Variants in ANKRD34B observed in about 807,000 individuals in gnomAD.
ANKRD34B encodes ankyrin repeat domain-containing protein 34B.
Under a neutral mutation model 4.4 loss-of-function variants are expected in ANKRD34B, and 2 were observed. That is an observed-to-expected ratio of 0.46 (90% CI 0.19 to 1.44). ANKRD34B has a LOEUF of 1.44. Ranked by LOEUF, ANKRD34B falls within the 40% of genes most tolerant of loss-of-function variation. The probability of loss-of-function intolerance (pLI) is 0.26; values close to 1 mark genes in which losing one functional copy is unlikely to be tolerated. For synonymous variants in ANKRD34B, 226 were observed against 227.1 expected, an observed-to-expected ratio of 0.99 and a Z score of 0.05; for missense variants, 558 against 604.7, an observed-to-expected ratio of 0.92 and a Z score of 0.81.
chr5:80,565,656 T>G (rs76739159), intron 3 of ANKRD34B, among the ~76,000 whole-genome samples: 1,897 of 152,370 alleles, frequency 0.012, 31 homozygotes, highest in African/African-American at 0.043. Context: ...ACTCACTGCA[T>G]TCTTCTTTTT....
Position 80,557,605 on chromosome 5 carries a change from G to A in ANKRD34B, c.*870C>T, listed in dbSNP as rs1296587042. The A allele has an allele frequency of 6.6e-6, 1 of 151,578 alleles. No homozygotes were observed. The highest frequency in any genetic ancestry group is 1.9e-4 in the East Asian group (1 of 5,186). 9.4% of individuals were successfully genotyped at this position (151,578 alleles called of 1,614,324 possible). On this transcript the variant is annotated 3_prime_UTR_variant, in exon 5 of 5. Coordinates refer to ENST00000338682, the MANE Select transcript of ANKRD34B (RefSeq NM_001004441.3). ...TAATTTGATATAAGTAAAGAGGAAT[G>A]CTTTTTAACTTTTATATCATCTTGT...
At chr5:80,560,333 A>G (rs1204632525) in intron 4 of ANKRD34B, among the ~76,000 whole-genome samples, 1 of 152,196 alleles carries the variant, frequency 6.6e-6, no homozygotes, top group Non-Finnish European at 1.5e-5. Flanking sequence ...TTTACCTGTG[A>G]AAAATAATTT....
chr5:80,568,925 C>CACACACACACACCCACACAGAGAGAG, intron 2 of ANKRD34B, 35 bp downstream of exon 2: 1 of 49,900 alleles, frequency 2.0e-5, no homozygotes, highest in South Asian at 8.4e-4. Flanking sequence ...CACACACACA[C>CACACACACACACCCACACAGAGAGAG]AGAGAGAGAG....
chr5:80,569,872 G>C (rs1746704386), intron 1 of ANKRD34B, among the ~76,000 whole-genome samples: 1 of 152,222 alleles, frequency 6.6e-6, no homozygotes, highest in African/African-American at 2.4e-5. Context: ...GTGAGCTCGC[G>C]TGGAGCGCGC....
chr5:80,559,339 A>T lies in ANKRD34B; in HGVS notation c.681T>A (p.Gly227=). ...AGSNDDTWDP[G]SPVRKPALAP... ...CCAATGCAGGTTTCCTCACAGGGGA[A>T]CCTGGGTCCCAGGTATCATCATTGC... Residue 227 remains glycine (G), a synonymous_variant, in exon 5 of 5, where the codon GGT becomes GGA. Coordinates refer to ENST00000338682, the MANE Select transcript of ANKRD34B (RefSeq NM_001004441.3). 1 of 1,614,172 alleles carries T rather than the reference A, an allele frequency of 6.2e-7. No homozygotes were observed. Among genetic ancestry groups the T allele is most frequent in the Non-Finnish European group, 8.5e-7 (1 of 1,180,024 alleles).
rs201133010 is a variant in ANKRD34B, at chr5:80,559,950, G to T, written c.70C>A (p.Arg24Ser). The change falls in exon 5 of 5, where the codon CGC becomes AGC. Residue 24 changes from arginine to serine, a missense_variant. Coordinates refer to ENST00000338682, the MANE Select transcript of ANKRD34B (RefSeq NM_001004441.3). ...LIKAVHQSRLRLTRLLLEGGA... is the reference protein window; with the variant it reads ...LIKAVHQSRLSLTRLLLEGGA... ...CCTTCTAGCAAAAGTCTTGTGAGGC[G>T]AAGCCGGCTCTGATGGACTGCTTTG... 6.2e-7 allele frequency: 1 copy of T among 1,613,848 alleles called. No individual in the cohort carries two copies. The highest frequency in any genetic ancestry group is 1.1e-5 in the South Asian group (1 of 91,004).
intron 2 of ANKRD34B, 43 bp downstream of exon 2, chr5:80,568,917 C>G (rs1384642503): frequency 9.0e-5 from 9 of 100,178 alleles, no homozygotes; most frequent in East Asian, 3.5e-4. Flanking sequence ...CACACACACA[C>G]ACACACACAG....
At position 80,558,444 on chromosome 5, in the gene ANKRD34B, A is replaced by G. The variant is rs1282385158; in HGVS notation, c.*31T>C. 5.5e-6 allele frequency: 8 copies of G among 1,459,200 alleles called. No individual in the cohort carries two copies. The African/African-American group carries it at 1.1e-4, about 21-fold the overall frequency. The allele number at this position is 1,459,200 out of a possible 1,614,324, so 90.4% of individuals were successfully genotyped here. On this transcript the variant is annotated 3_prime_UTR_variant, in exon 5 of 5. Coordinates refer to ENST00000338682, the MANE Select transcript of ANKRD34B (RefSeq NM_001004441.3). ...AGTTCTTTGTTTCTCTGATATAAAC[A>G]TTTGAAGAAGATGTGTTTTATACCC...
chr5:80,569,685 C>G (rs938026566), intron 1 of ANKRD34B, among the ~76,000 whole-genome samples: 1 of 152,110 alleles, frequency 6.6e-6, no homozygotes. Flanking sequence ...CCGACCTTCG[C>G]CCATCAGGCC....
chr5:80,570,116 C>T (rs553783132), intron 1 of ANKRD34B, 38 bp downstream of exon 1: 1 of 152,594 alleles, frequency 6.6e-6, no homozygotes, highest in South Asian at 2.1e-4. Flanking sequence ...GCCAAAGTTT[C>T]CCAAGTGCAG....
At position 80,559,737 on chromosome 5, in the gene ANKRD34B, T is replaced by C; in HGVS notation, c.283A>G (p.Lys95Glu). The stretch of plus-strand genomic sequence containing the variant: ...AAGGAAACAACTTCAGGGCCAGCTT[T>C]TTCTAAGCAAGCATGCATCAGAGCC... ...KTALMHACLE[K>E]AGPEVVSLLL... Residue 95 changes from lysine (K) to glutamate (E), a missense_variant, in exon 5 of 5, where the codon AAA becomes GAA. Coordinates refer to ENST00000338682, the MANE Select transcript of ANKRD34B (RefSeq NM_001004441.3). 1.9e-6 allele frequency: 3 copies of C among 1,614,236 alleles called. No homozygotes were observed. The highest frequency in any genetic ancestry group is 2.5e-6 in the Non-Finnish European group (3 of 1,180,048).
At chr5:80,569,141 C>CAAAG (rs1746676988) in intron 1 of ANKRD34B, 34 bp from the exon 2 acceptor site, 1 of 152,400 alleles carries the variant, frequency 6.6e-6, no homozygotes, top group Non-Finnish European at 1.5e-5. Context: ...GTGACTGGGG[C>CAAAG]GACAGCTCCA....
intron 3 of ANKRD34B, among the ~76,000 whole-genome samples, chr5:80,564,094 T>G (rs756078246): frequency 6.6e-6 from 1 of 152,216 alleles, no homozygotes; most frequent in Non-Finnish European, 1.5e-5. Flanking sequence ...GAGTTTCTAG[T>G]GTTTAGGTCA....
chr5:80,559,866 T>C lies in ANKRD34B; in HGVS notation c.154A>G (p.Lys52Glu). ...CTCTGGTGATCGACATGTTTGGTCT[T>C]ACAAGCGATCATTAAAGGGGTTTCC... is the stretch of plus-strand genomic sequence containing the variant. Reference protein sequence around the residue: ...RGETPLMIACKTKHVDHQSVS... With the variant: ...RGETPLMIACETKHVDHQSVS... Residue 52 changes from lysine to glutamate, a missense_variant, in exon 5 of 5, where the codon AAG becomes GAG. By Grantham distance (56) the Lys-to-Glu change is moderately conservative. Transcript: ENST00000338682. The C allele has an allele frequency of 1.2e-6, 2 of 1,614,266 alleles. No individual in the cohort carries two copies. Among genetic ancestry groups the C allele is most frequent in the Non-Finnish European group, 1.7e-6 (2 of 1,180,048 alleles).
intron 3 of ANKRD34B, among the ~76,000 whole-genome samples, chr5:80,566,061 G>A (rs1746556249): frequency 6.6e-6 from 1 of 152,148 alleles, no homozygotes; most frequent in South Asian, 2.1e-4. Context: ...AATAAGCACT[G>A]AGTTATTTTT....
chr5:80,568,470 G>C (rs1268453980), intron 2 of ANKRD34B, among the ~76,000 whole-genome samples: 2 of 152,154 alleles, frequency 1.3e-5, no homozygotes, highest in Non-Finnish European at 2.9e-5. Flanking sequence ...TAGTAGAATG[G>C]GCCAGGAGCT....
At position 80,558,283 on chromosome 5, in the gene ANKRD34B, C is replaced by A; in HGVS notation, c.*192G>T. ...CGCTTTCCTTTTGTTTGAGAGAATT[C>A]CCTTAACAGAAACTATGTATTATTT... On this transcript the variant is annotated 3_prime_UTR_variant, in exon 5 of 5. Coordinates refer to ENST00000338682, the MANE Select transcript of ANKRD34B (RefSeq NM_001004441.3). 1 of 452,892 alleles carries A rather than the reference C, an allele frequency of 2.2e-6. No homozygotes were observed. Among genetic ancestry groups the A allele is most frequent in the Non-Finnish European group, 3.8e-6 (1 of 263,086 alleles). The allele number at this position is 452,892 out of a possible 1,614,324, so 28.1% of individuals were successfully genotyped here. A position where few individuals can be genotyped will look rare whatever the true frequency, so the allele number is the denominator to read the frequency against.
In ANKRD34B at chr5:80,558,501, G is replaced by A. The variant is rs1746312385; in HGVS notation, c.1519C>T (p.Gln507Ter). The change falls in exon 5 of 5, where the codon CAA (glutamine) becomes TAA (stop). Residue 507 changes from glutamine (Q) to a stop codon, truncating the protein, a stop_gained. Coordinates refer to ENST00000338682, the MANE Select transcript of ANKRD34B (RefSeq NM_001004441.3). LOFTEE classifies it high-confidence loss of function. ...LLRRQSLQTE[Q>*]IKQLVNF ...TAGAAGTTTACTAATTGCTTAATTT[G>A]TTCAGTTTGCAATGATTGTCTCCTT... The A allele has an allele frequency of 2.5e-6, 4 of 1,611,986 alleles. No individual in the cohort carries two copies. The African/African-American group carries it at 5.3e-5, about 22-fold the overall frequency.
In ANKRD34B at chr5:80,558,381, CGA is replaced by C; in HGVS notation, c.*92_*93del. 1 of 1,034,760 alleles carries C rather than the reference CGA, an allele frequency of 9.7e-7. No homozygotes were observed. The highest frequency in any genetic ancestry group is 1.4e-6 in the Non-Finnish European group (1 of 721,300). 64.1% of individuals were successfully genotyped at this position (1,034,760 alleles called of 1,614,324 possible). A position where few individuals can be genotyped will look rare whatever the true frequency, so the allele number is the denominator to read the frequency against. On this transcript the variant is annotated 3_prime_UTR_variant, in exon 5 of 5. Transcript: ENST00000338682. ...CTAGCCATTATGGACTAACCAATCA[CGA>C]GATTTAAAAGAATGAACATTTAAGA...
Sources: gnomAD v4.1 joint callset for allele counts (sites outside exome capture counted in the v4.1 genomes callset) on GRCh38, gnomAD v4.1.1 for gene constraint, MANE v1.5 for transcripts, NCBI Gene and HGNC (gene_info 2026-07-23, HGNC 2026-07-21) for gene names.